The following SUGP1 variants were observed in gnomAD, a reference collection of about 807,000 sequenced individuals.
SUGP1 encodes SURP and G-patch domain containing 1.
In SUGP1, 34 loss-of-function variants were observed where a neutral mutation model predicts 76.5. The observed-to-expected ratio is 0.44, with a 90% CI of 0.34 to 0.59. SUGP1 has a LOEUF of 0.59. Among genes scored for constraint, SUGP1 ranks in the 20% least tolerant of loss-of-function variants. The pLI, the probability that SUGP1 is intolerant of heterozygous loss-of-function variation, is 0.01. For synonymous variants in SUGP1, 326 were observed against 326.2 expected, an observed-to-expected ratio of 1.00 and a Z score of 0.01; for missense variants, 752 against 851.7, an observed-to-expected ratio of 0.88 and a Z score of 1.46.
chr19:19,285,114 G>A (rs894723411), intron 8 of SUGP1, among the ~76,000 whole-genome samples: 11 of 151,884 alleles, frequency 7.2e-5, no homozygotes, highest in Admixed American at 1.3e-4. Flanking sequence ...TGATCCGCCC[G>A]CCTCGGCCTC....
At chr19:19,287,815 G>C (rs1273838435) in intron 8 of SUGP1, among the ~76,000 whole-genome samples, 3 of 152,106 alleles carry the variant, frequency 2.0e-5, no homozygotes, top group African/African-American at 7.2e-5. Flanking sequence ...GTAAATGGTA[G>C]AAGAAGGAAT....
At chr19:19,319,033 C>T (rs940865346) in intron 1 of SUGP1, among the ~76,000 whole-genome samples, 1 of 151,688 alleles carries the variant, frequency 6.6e-6, no homozygotes, top group Non-Finnish European at 1.5e-5. Context: ...GCCTGGCCAA[C>T]ATGGTGATAC....
chr19:19,312,938 C>T (rs1456604446), intron 2 of SUGP1, among the ~76,000 whole-genome samples: 4 of 150,672 alleles, frequency 2.7e-5, no homozygotes, highest in African/African-American at 4.9e-5. Flanking sequence ...TGCAGTGAGC[C>T]GAGATCGTGC....
chr19:19,278,227 G>A (rs112889699), intron 11 of SUGP1, among the ~76,000 whole-genome samples: 15 of 152,266 alleles, frequency 9.9e-5, no homozygotes, highest in African/African-American at 3.4e-4. Flanking sequence ...ATAAGAGATG[G>A]ACAACGAGGT....
intron 12 of SUGP1, among the ~76,000 whole-genome samples, chr19:19,277,413 G>A (rs533856300): frequency 6.6e-6 from 1 of 152,146 alleles, no homozygotes; most frequent in African/African-American, 2.4e-5. Flanking sequence ...CCATCTCTGG[G>A]AGTGGTTTCG....
At chr19:19,303,496 G>T in intron 5 of SUGP1, 48 bp from the exon 6 acceptor site, 1 of 1,532,952 alleles carries the variant, frequency 6.5e-7, no homozygotes, top group South Asian at 1.1e-5. Flanking sequence ...AAGTATCTGT[G>T]ACAGGCATAT....
chr19:19,286,375 G>C (rs2146597359), intron 8 of SUGP1, among the ~76,000 whole-genome samples: 1 of 152,270 alleles, frequency 6.6e-6, no homozygotes, highest in East Asian at 1.9e-4. Flanking sequence ...AACCTCAGCA[G>C]AGCGAACATT....
chr19:19,315,742 G>A (rs573282929), intron 2 of SUGP1, among the ~76,000 whole-genome samples: 1 of 152,250 alleles, frequency 6.6e-6, no homozygotes, highest in South Asian at 2.1e-4. Flanking sequence ...CGGGGCCTGG[G>A]AACACACTGC....
rs749604015 is a variant in SUGP1, at chr19:19,306,038, G to A, written c.349C>T (p.Pro117Ser). ...TSAPSAPPST[P>S]TPSAGKRSLL... ...GACCTCTTCCCAGCGCTGGGGGTGG[G>A]TGTGCTGGGAGGGGCGCTGGGCGCA... Residue 117 changes from proline (P) to serine (S), a missense_variant, in exon 4 of 14, where the codon CCC becomes TCC. Physicochemically the swap from Pro to Ser is moderately conservative, Grantham distance 74. Coordinates refer to ENST00000247001, the MANE Select transcript of SUGP1 (RefSeq NM_172231.4). The A allele has an allele frequency of 1.2e-6, 2 of 1,610,148 alleles. No individual in the cohort carries two copies. The highest frequency in any genetic ancestry group is 2.7e-5 in the African/African-American group (2 of 74,892).
intron 8 of SUGP1, among the ~76,000 whole-genome samples, chr19:19,287,129 T>C (rs1444237984): frequency 6.6e-6 from 1 of 151,070 alleles, no homozygotes; most frequent in Non-Finnish European, 1.5e-5. Flanking sequence ...AAAAATTAGC[T>C]AGGCATGGGC....
chr19:19,277,257 G>C (rs904074299), intron 12 of SUGP1, among the ~76,000 whole-genome samples, 181 bp from the exon 13 acceptor site: 1 of 150,448 alleles, frequency 6.6e-6, no homozygotes, highest in East Asian at 2.0e-4. Context: ...CGGGCGGGGG[G>C]GGGGGGCCTA....
intron 8 of SUGP1, among the ~76,000 whole-genome samples, chr19:19,296,050 CTCTTGCCTATAA>C (rs1257506862): frequency 2.0e-5 from 3 of 152,118 alleles, no homozygotes; most frequent in Non-Finnish European, 4.4e-5. Context: ...GAGAGTATGA[CTCTTGCCTATAA>C]TCCCGGCACT....
intron 7 of SUGP1, 74 bp downstream of exon 7, chr19:19,302,191 C>CT: frequency 6.3e-7 from 1 of 1,589,270 alleles, no homozygotes. Flanking sequence ...CTGGACTATG[C>CT]TGATCCAGTG....
rs770774531 is a variant in SUGP1, at chr19:19,320,447, A to G, written c.34+16T>C. On this transcript the variant is annotated intron_variant, in intron 1 of 13. Transcript: ENST00000247001. The stretch of plus-strand genomic sequence containing the variant: ...GGGACCCAGGCGGCCGCCTGAGAGG[A>G]GGCGGGGGCTGTTACCTGCAACATC... 3.1e-6 allele frequency: 5 copies of G among 1,607,156 alleles called. No individual in the cohort carries two copies. In the South Asian group the frequency reaches 5.6e-5, roughly 18 times the overall value.
intron 13 of SUGP1, 23 bp downstream of exon 13, chr19:19,276,924 G>C: frequency 4.3e-6 from 7 of 1,612,030 alleles, no homozygotes; most frequent in Non-Finnish European, 5.9e-6. Flanking sequence ...CTGAGCAAAG[G>C]CAGCCCAGGA....
chr19:19,280,028 C>A (rs892142839), intron 9 of SUGP1, among the ~76,000 whole-genome samples, 157 bp downstream of exon 9: 1 of 152,204 alleles, frequency 6.6e-6, no homozygotes, highest in Admixed American at 6.5e-5. Flanking sequence ...GCAGGGGGAC[C>A]TGCCTGCCTG....
chr19:19,297,295 G>A lies in SUGP1; in HGVS notation c.937C>T (p.Leu313=). The change falls in exon 8 of 14, where the codon CTG becomes TTG. Residue 313 remains leucine, a synonymous_variant. Transcript: ENST00000247001. ...SQGYKYYRQK[L]EEFRKAKASS... Reference sequence around the variant, plus strand: ...GCCTTGGCTTTCCGGAACTCCTCCAGCTTCTGTCGGTAGTACTTGTACCCT... The same window carrying A: ...GCCTTGGCTTTCCGGAACTCCTCCAACTTCTGTCGGTAGTACTTGTACCCT... 6.5e-7 allele frequency: 1 copy of A among 1,544,890 alleles called. No individual in the cohort carries two copies. The highest frequency in any genetic ancestry group is 8.8e-7 in the Non-Finnish European group (1 of 1,141,356).
intron 8 of SUGP1, among the ~76,000 whole-genome samples, chr19:19,287,203 A>G (rs1440423505): frequency 3.3e-5 from 5 of 152,136 alleles, no homozygotes; most frequent in Non-Finnish European, 7.4e-5. Context: ...CCCAGAGCGC[A>G]GAGGCTGCAG....
Position 19,305,950 on chromosome 19 carries a change from T to C in SUGP1, c.437A>G (p.Tyr146Cys). ...CACGGGCAGCTGCTTGGCGTGGGAG[T>C]AGCTCTTCACAGGGCCCGGCAGGCT... ...LASLPGPVKS[Y>C]SHAKQLPVAH... The change falls in exon 4 of 14, where the codon TAC (tyrosine) becomes TGC (cysteine). Residue 146 changes from tyrosine (Y) to cysteine (C), a missense_variant. Transcript: ENST00000247001. 6.2e-7 allele frequency: 1 copy of C among 1,612,828 alleles called. No homozygotes were observed. Among genetic ancestry groups the C allele is most frequent in the Non-Finnish European group, 8.5e-7 (1 of 1,179,876 alleles).
Sources: allele counts gnomAD v4.1 joint callset (sites outside exome capture counted in the v4.1 genomes callset), GRCh38; gene constraint gnomAD v4.1.1; transcripts MANE v1.5; gene names NCBI Gene and HGNC (gene_info 2026-07-23, HGNC 2026-07-21).